Variants in CFHR2 observed in about 807,000 individuals in gnomAD.
CFHR2 encodes the protein complement factor H-related protein 2.
Under a neutral mutation model 21.7 loss-of-function variants are expected in CFHR2, and 22 were observed. That is an observed-to-expected ratio of 1.01 (90% CI 0.72 to 1.45). CFHR2 has a LOEUF of 1.45. CFHR2 is among the 40% of genes most tolerant of loss of function. The probability of loss-of-function intolerance (pLI) is 0.00; values close to 1 mark genes in which losing one functional copy is unlikely to be tolerated. For missense variants in CFHR2, 294 were observed against 293.3 expected (o/e 1.00, Z -0.02); for synonymous variants, 98 against 97.4 (o/e 1.01, Z -0.04).
chr1:196,958,740 A>G, intron 4 of CFHR2, 141 bp from the exon 5 acceptor site: 3 of 587,034 alleles, frequency 5.1e-6, no homozygotes, highest in Non-Finnish European at 9.1e-6. Context: ...TTAAATCTAT[A>G]TTTTGTTTTT....
At chr1:196,945,336 TA>T (rs1184502909) in intron 1 of CFHR2, among the ~76,000 whole-genome samples, 37 of 141,700 alleles carry the variant, frequency 2.6e-4, no homozygotes, top group African/African-American at 8.7e-4. Flanking sequence ...GATTTCTAAA[TA>T]GGGGGGTAGC....
In CFHR2 at chr1:196,949,452, C is replaced by T. The variant is rs371940997; in HGVS notation, c.59-3C>T. The stretch of plus-strand genomic sequence containing the variant: ...ATTCTTCAGTTTTGTGTTATTTTCC[C>T]AGCAATGTTCTGTGATTTTCCAAAA... On this transcript the variant is annotated splice_polypyrimidine_tract_variant and splice_region_variant and intron_variant, in intron 1 of 4. Coordinates refer to ENST00000367415, the MANE Select transcript of CFHR2 (RefSeq NM_005666.4). 217 of 1,608,430 alleles carry T rather than the reference C, an allele frequency of 1.3e-4. No individual in the cohort carries two copies. The highest frequency in any genetic ancestry group is 1.7e-4 in the Non-Finnish European group (199 of 1,176,582).
intron 3 of CFHR2, among the ~76,000 whole-genome samples, chr1:196,951,771 G>T (rs114176389): frequency 0.013 from 1,906 of 152,152 alleles, 20 homozygotes; most frequent in Non-Finnish European, 0.021. Flanking sequence ...GGCCACCATA[G>T]TCTCCAAGAC....
intron 3 of CFHR2, among the ~76,000 whole-genome samples, chr1:196,957,413 T>C (rs949334554): frequency 6.6e-6 from 1 of 151,488 alleles, no homozygotes; most frequent in Admixed American, 6.6e-5. Context: ...GGTAGAAAAG[T>C]TTGTTCCTCA....
chr1:196,944,752 C>T (rs574153620), intron 1 of CFHR2, among the ~76,000 whole-genome samples: 1 of 151,940 alleles, frequency 6.6e-6, no homozygotes, highest in East Asian at 1.9e-4. Context: ...TGTTTCCAGA[C>T]CTTTGAACTT....
chr1:196,957,837 T>C (rs1363269154), intron 3 of CFHR2, 54 bp from the exon 4 acceptor site: 5 of 1,535,210 alleles, frequency 3.3e-6, no homozygotes, highest in Admixed American at 1.7e-5. Context: ...ATTTGCCTTA[T>C]TTGAACTTGT....
chr1:196,951,132 ATACT>A (rs1175986251), intron 3 of CFHR2, 104 bp downstream of exon 3: 4 of 1,315,496 alleles, frequency 3.0e-6, no homozygotes, highest in Non-Finnish European at 4.2e-6. Context: ...GTTTTGCCAC[ATACT>A]TCTATCATTA....
chr1:196,951,973 T>C (rs996149697), intron 3 of CFHR2, among the ~76,000 whole-genome samples: 1 of 152,206 alleles, frequency 6.6e-6, no homozygotes, highest in Admixed American at 6.5e-5. Context: ...TCTTGAAATA[T>C]ATTTTGTACA....
Position 196,959,204 on chromosome 1 carries a change from G to A in CFHR2, c.*124G>A, listed in dbSNP as rs112449988. The A allele has an allele frequency of 1.5e-3, 1,114 of 759,158 alleles. 10 individuals are homozygous for A. The highest frequency in any genetic ancestry group is 0.013 in the African/African-American group (704 of 56,282). The allele number at this position is 759,158 out of a possible 1,614,324, so 47.0% of individuals were successfully genotyped here. A position where few individuals can be genotyped will look rare whatever the true frequency, so the allele number is the denominator to read the frequency against. ...TTATTCATAAATAAAGTTTTGTGTT[G>A]ATTTGTGAAAATGCAATTACAATCT... is the stretch of plus-strand genomic sequence containing the variant. On this transcript the variant is annotated 3_prime_UTR_variant, in exon 5 of 5. Coordinates refer to ENST00000367415, the MANE Select transcript of CFHR2 (RefSeq NM_005666.4).
chr1:196,947,049 T>C (rs1455578849), intron 1 of CFHR2, among the ~76,000 whole-genome samples: 1 of 152,166 alleles, frequency 6.6e-6, no homozygotes, highest in African/African-American at 2.4e-5. Flanking sequence ...TATAATCTTA[T>C]GGGTCCACTG....
At chr1:196,954,715 A>T (rs1652801522) in intron 3 of CFHR2, among the ~76,000 whole-genome samples, 1 of 152,188 alleles carries the variant, frequency 6.6e-6, no homozygotes, top group Admixed American at 6.5e-5. Context: ...GTGCACCCAC[A>T]GGCACAACAC....
At chr1:196,950,266 C>A (rs1659675099) in intron 2 of CFHR2, among the ~76,000 whole-genome samples, 1 of 151,872 alleles carries the variant, frequency 6.6e-6, no homozygotes, top group Non-Finnish European at 1.5e-5. Context: ...TCTTTTGTCC[C>A]TAAAAGAGTT....
intron 1 of CFHR2, among the ~76,000 whole-genome samples, chr1:196,949,129 A>C (rs1659628316): frequency 6.6e-6 from 1 of 152,224 alleles, no homozygotes; most frequent in Admixed American, 6.5e-5. Flanking sequence ...TAAGTAGATC[A>C]GGAAGATTTG....
In CFHR2 at chr1:196,955,265, G is replaced by A. The variant is rs9427651; in HGVS notation, c.431-2626G>A. On this transcript the variant is annotated intron_variant, in intron 3 of 4. Coordinates refer to ENST00000367415, the MANE Select transcript of CFHR2 (RefSeq NM_005666.4). ...TGACCTTTGCTCCAGTTCCTAATAA[G>A]TTTCTCATCTCCATCTAAGACCGCT... is the stretch of plus-strand genomic sequence containing the variant. Among the ~76,000 whole-genome samples the A allele has an allele frequency of 6.3e-3, 962 of 152,206 alleles. 8 individuals are homozygous for A. Among genetic ancestry groups the A allele is most frequent in the African/African-American group, 0.022 (894 of 41,528 alleles).
chr1:196,946,336 G>A (rs1267557927), intron 1 of CFHR2, among the ~76,000 whole-genome samples: 3 of 152,074 alleles, frequency 2.0e-5, no homozygotes, highest in Non-Finnish European at 4.4e-5. Context: ...TAATTACTGA[G>A]CTTTTGATGC....
At chr1:196,958,191 C>T (rs1219769513) in intron 4 of CFHR2, 118 bp downstream of exon 4, 8 of 973,692 alleles carry the variant, frequency 8.2e-6, no homozygotes, top group Admixed American at 2.2e-5. Flanking sequence ...GAATGCTTGC[C>T]TACCAAATGT....
At chr1:196,945,302 C>A (rs1659434023) in intron 1 of CFHR2, among the ~76,000 whole-genome samples, 1 of 146,728 alleles carries the variant, frequency 6.8e-6, no homozygotes. Flanking sequence ...GCTTATACAC[C>A]TATTACACAT....
intron 1 of CFHR2, among the ~76,000 whole-genome samples, chr1:196,944,867 C>T (rs1659416416): frequency 6.7e-6 from 1 of 148,356 alleles, no homozygotes; most frequent in African/African-American, 2.5e-5. Context: ...AATATTATTT[C>T]TATTGCTTGA....
chr1:196,955,137 CT>C (rs1652815377), intron 3 of CFHR2, among the ~76,000 whole-genome samples: 1 of 152,134 alleles, frequency 6.6e-6, no homozygotes, highest in Non-Finnish European at 1.5e-5. Flanking sequence ...TAGAAATTTC[CT>C]ACTCCAGTTA....
Sources: allele counts gnomAD v4.1 joint callset (sites outside exome capture counted in the v4.1 genomes callset), GRCh38; gene constraint gnomAD v4.1.1; transcripts MANE v1.5; gene names NCBI Gene and HGNC (gene_info 2026-07-23, HGNC 2026-07-21).